Variants in AGPAT3 observed in about 807,000 individuals in gnomAD.
The protein encoded by AGPAT3 is 1-acylglycerol-3-phosphate O-acyltransferase 3.
A neutral mutation model predicts 47.3 loss-of-function variants in AGPAT3; 5 were observed. The observed-to-expected ratio is 0.11, with a 90% CI of 0.06 to 0.22. The LOEUF is 0.22. Among genes scored for constraint, AGPAT3 ranks in the 10% least tolerant of loss-of-function variants. The pLI is 1.00. For missense variants in AGPAT3, 315 were observed against 493.0 expected (o/e 0.64, Z 3.42); for synonymous variants, 212 against 208.3 (o/e 1.02, Z -0.15).
chr21:43,895,651 G>A (rs9981559), intron 1 of AGPAT3, among the ~76,000 whole-genome samples: 3,001 of 151,756 alleles, frequency 0.02, 87 homozygotes, highest in African/African-American at 0.069. Context: ...GCAGTGGTGC[G>A]ATCTTGGCTC....
chr21:43,940,191 C>T (rs1044694994), intron 2 of AGPAT3, among the ~76,000 whole-genome samples: 2 of 152,254 alleles, frequency 1.3e-5, no homozygotes, highest in African/African-American at 4.8e-5. Flanking sequence ...CAGGCTGACA[C>T]CTGCTCCCCG....
Position 43,985,445 on chromosome 21 carries a change from G to C in AGPAT3, c.*3053G>C, listed in dbSNP as rs1016430264. The C allele has an allele frequency of 4.2e-5, 14 of 331,008 alleles. No individual in the cohort carries two copies. Among genetic ancestry groups the C allele is most frequent in the Non-Finnish European group, 7.1e-5 (12 of 170,146 alleles). The allele number at this position is 331,008 out of a possible 1,614,324, so 20.5% of individuals were successfully genotyped here. A position where few individuals can be genotyped will look rare whatever the true frequency, so the allele number is the denominator to read the frequency against. Reference sequence around the variant, plus strand: ...CTGTCGATGAATTTTGAGTCTCTCTGCCTTGCCTGTCCCGACTCCCTTTCG... The same window carrying C: ...CTGTCGATGAATTTTGAGTCTCTCTCCCTTGCCTGTCCCGACTCCCTTTCG... On this transcript the variant is annotated 3_prime_UTR_variant, in exon 10 of 10. Transcript: ENST00000291572.
chr21:43,882,590 A>G (rs1410758069), intron 1 of AGPAT3: 2 of 152,248 alleles, frequency 1.3e-5, no homozygotes, highest in African/African-American at 2.4e-5. Context: ...TTGGAGTCAG[A>G]TGTGAGCCCG....
In AGPAT3 at chr21:43,943,570, G is replaced by T. The variant is rs568977404; in HGVS notation, c.-48-16064G>T. ...AAAGCCAGTCCTCAGGGGTCAGCAA[G>T]TTCCACATTCAGCTTCAGCTTTCGG... On this transcript the variant is annotated intron_variant, in intron 2 of 9. Transcript: ENST00000291572. Among the ~76,000 whole-genome samples, 713 of 152,320 alleles carry T rather than the reference G, an allele frequency of 4.7e-3. 4 individuals are homozygous for T. Among genetic ancestry groups the T allele is most frequent in the African/African-American group, 0.016 (670 of 41,574 alleles).
chr21:43,970,012 C>CT lies in AGPAT3; in HGVS notation c.511-632dup, dbSNP rs113571387. Among the ~76,000 whole-genome samples the CT allele has an allele frequency of 0.11, 17,121 of 149,516 alleles. 2,893 individuals are homozygous for CT. Among genetic ancestry groups the CT allele is most frequent in the African/African-American group, 0.37 (14,947 of 40,500 alleles). On this transcript the variant is annotated intron_variant, in intron 5 of 9. Transcript: ENST00000291572. This position sits in a 1 kb window ranked among gnomAD's most constrained non-coding sequence, Gnocchi z 5.8. The stretch of plus-strand genomic sequence containing the variant: ...GCTTGCCAGCCTGCTGTTAGCATTT[C>CT]TTTTTTTTTGTTTTGAGACAGAGCC...
intron 2 of AGPAT3, among the ~76,000 whole-genome samples, chr21:43,929,100 C>T (rs890806886): frequency 2.6e-5 from 4 of 152,240 alleles, no homozygotes; most frequent in Admixed American, 1.3e-4. Flanking sequence ...GGCGGGGCCC[C>T]GATAGCCAGT....
At position 43,872,178 on chromosome 21, in the gene AGPAT3, GT is replaced by G. The variant is rs111592161; in HGVS notation, c.-112+6848del. Among the ~76,000 whole-genome samples the G allele has an allele frequency of 5.0e-3, 696 of 139,376 alleles. 7 individuals carry two copies. Among genetic ancestry groups the G allele is most frequent in the African/African-American group, 0.014 (538 of 38,192 alleles). 91.4% of individuals were successfully genotyped at this position (139,376 alleles called of 152,430 possible). Reference sequence around the variant, plus strand: ...TATTGTTCTTGCTTTTGTAAATGGTGTTTTTTTTTTTTTTTCTTTTGAGACA... The same window carrying G: ...TATTGTTCTTGCTTTTGTAAATGGTGTTTTTTTTTTTTTTCTTTTGAGACA... On this transcript the variant is annotated intron_variant, in intron 1 of 9. Transcript: ENST00000291572.
chr21:43,868,529 C>A (rs1029924519), intron 1 of AGPAT3, among the ~76,000 whole-genome samples: 1 of 151,904 alleles, frequency 6.6e-6, no homozygotes, highest in Non-Finnish European at 1.5e-5. Context: ...TTTCTGAAAG[C>A]GGGTAGAGAA....
rs1011033988 is a variant in AGPAT3, at chr21:43,920,121, C to T, written c.-49+16102C>T. Among the ~76,000 whole-genome samples, 11 of 152,242 alleles carry T rather than the reference C, an allele frequency of 7.2e-5. No individual in the cohort carries two copies. The highest frequency in any genetic ancestry group is 2.1e-4 in the South Asian group (1 of 4,814). The stretch of plus-strand genomic sequence containing the variant: ...CTGCAGGCGGGGGTGTGACCACGTC[C>T]GCACCCCTCCCAGAGTGCGAGGCTG... On this transcript the variant is annotated intron_variant, in intron 2 of 9. Coordinates refer to ENST00000291572, the MANE Select transcript of AGPAT3 (RefSeq NM_020132.5). This position sits in a 1 kb window ranked among gnomAD's most constrained non-coding sequence, Gnocchi z 6.1.
At position 43,969,292 on chromosome 21, in the gene AGPAT3, A is replaced by G. The variant is rs767325349; in HGVS notation, c.510+13A>G. 13 of 1,613,894 alleles carry G rather than the reference A, an allele frequency of 8.1e-6. No homozygotes were observed. In the African/African-American group the frequency reaches 1.6e-4, roughly 20 times the overall value. ...CGAGTACATGTGGGTGAGTGCGCGG[A>G]GCAGCCCGATACCCTGCATGCCTGG... is the stretch of plus-strand genomic sequence containing the variant. On this transcript the variant is annotated intron_variant, in intron 5 of 9. Transcript: ENST00000291572.
rs532520081 is a variant in AGPAT3, at chr21:43,880,583, C to T, written c.-112+15238C>T. Among the ~76,000 whole-genome samples the T allele has an allele frequency of 1.2e-4, 18 of 152,306 alleles. 1 individual carries two copies. Among genetic ancestry groups the T allele is most frequent in the Admixed American group, 2.6e-4 (4 of 15,304 alleles). On this transcript the variant is annotated intron_variant, in intron 1 of 9. Transcript: ENST00000291572. This position sits in a 1 kb window ranked among gnomAD's most constrained non-coding sequence, Gnocchi z 4.5. ...TACCCTTTTCCCAGTGGTATTGCCA[C>T]TGAGTGTGGGATGGGTCACAGCTAT...
At chr21:43,881,917 A>G (rs557778272) in intron 1 of AGPAT3, among the ~76,000 whole-genome samples, 125 of 152,384 alleles carry the variant, frequency 8.2e-4, no homozygotes, top group Non-Finnish European at 1.6e-3. Context: ...TCAGCCTCCC[A>G]AAGTGCTGGG....
At chr21:43,866,012 G>C (rs897688206) in intron 1 of AGPAT3, among the ~76,000 whole-genome samples, 2 of 152,120 alleles carry the variant, frequency 1.3e-5, no homozygotes, top group Non-Finnish European at 2.9e-5. Context: ...CAAGAGCCGT[G>C]GGGGCGAAAA....
At chr21:43,879,812 A>G (rs1466603598) in intron 1 of AGPAT3, among the ~76,000 whole-genome samples, 1 of 152,110 alleles carries the variant, frequency 6.6e-6, no homozygotes. Flanking sequence ...AATGAGCACC[A>G]CGTTGAAAAG....
rs371246712 is a variant in AGPAT3, at chr21:43,934,982, G to A, written c.-48-24652G>A. ...TCACATGCCATTGACACGCCACCACGCCACTTACGCCACCCACGCTACTAC... is the reference window on the plus strand; with the variant it reads ...TCACATGCCATTGACACGCCACCACACCACTTACGCCACCCACGCTACTAC... On this transcript the variant is annotated intron_variant, in intron 2 of 9. Transcript: ENST00000291572. The surrounding 1 kb of genome is among the most constrained non-coding windows in gnomAD (Gnocchi z 4.7). Among the ~76,000 whole-genome samples the A allele has an allele frequency of 1.4e-5, 2 of 146,572 alleles. No individual in the cohort carries two copies. Among genetic ancestry groups the A allele is most frequent in the African/African-American group, 5.1e-5 (2 of 39,206 alleles).
intron 2 of AGPAT3, among the ~76,000 whole-genome samples, chr21:43,926,429 G>A (rs919937839): frequency 1.3e-5 from 2 of 152,090 alleles, no homozygotes; most frequent in Non-Finnish European, 2.9e-5. Flanking sequence ...TGGCAGGACT[G>A]GGGGTGATTT....
At chr21:43,916,934 G>A (rs976631828) in intron 2 of AGPAT3, among the ~76,000 whole-genome samples, 15 of 152,110 alleles carry the variant, frequency 9.9e-5, no homozygotes, top group African/African-American at 3.1e-4. Flanking sequence ...TGGCCGCCTC[G>A]TGCTCGTGTC....
intron 1 of AGPAT3, among the ~76,000 whole-genome samples, chr21:43,868,284 A>G (rs1424865074): frequency 6.6e-6 from 1 of 152,206 alleles, no homozygotes; most frequent in Admixed American, 6.5e-5. Context: ...AAGCCTAGGT[A>G]GAAGGATTGC....
At chr21:43,902,220 A>C (rs993438821) in intron 1 of AGPAT3, among the ~76,000 whole-genome samples, 1 of 152,224 alleles carries the variant, frequency 6.6e-6, no homozygotes, top group African/African-American at 2.4e-5. Context: ...GAAACTATAC[A>C]ATTTGAAGAC....
Sources: allele counts gnomAD v4.1 joint callset (sites outside exome capture counted in the v4.1 genomes callset), GRCh38; gene constraint gnomAD v4.1.1; non-coding constraint Gnocchi (gnomAD v3.1); transcripts MANE v1.5; gene names NCBI Gene and HGNC (gene_info 2026-07-23, HGNC 2026-07-21).